GASK1B: variants seen among roughly 807,000 people sequenced by gnomAD.
GASK1B encodes golgi associated kinase 1B.
GASK1B carries 34 observed loss-of-function variants against 42.8 expected under a neutral mutation model. That is an observed-to-expected ratio of 0.79 (90% confidence interval 0.60 to 1.06). The LOEUF is 1.06. Among genes scored for constraint, GASK1B ranks in the 50% least tolerant of loss-of-function variants. GASK1B has a pLI of 0.00. For missense variants in GASK1B, 686 were observed against 661.0 expected (o/e 1.04, Z -0.42); for synonymous variants, 262 against 259.1 (o/e 1.01, Z -0.11).
intron 3 of GASK1B, among the ~76,000 whole-genome samples, chr4:158,133,886 G>C (rs1177608724): frequency 2.0e-5 from 3 of 151,912 alleles, no homozygotes. Context: ...ATATGTACTT[G>C]ATGGGCATAT....
At chr4:158,150,925 G>A (rs1049037113) in intron 3 of GASK1B, among the ~76,000 whole-genome samples, 2 of 152,176 alleles carry the variant, frequency 1.3e-5, no homozygotes, top group Admixed American at 6.5e-5. Context: ...TTCCTATTTC[G>A]TAGACTGTGA....
chr4:158,149,846 T>C (rs1189595071), intron 3 of GASK1B, among the ~76,000 whole-genome samples: 2 of 151,032 alleles, frequency 1.3e-5, no homozygotes, highest in East Asian at 3.9e-4. Context: ...TTACTAACTA[T>C]GTAACATTGG....
chr4:158,124,612 G>T lies in GASK1B; in HGVS notation c.*2795C>A, dbSNP rs11933750. On this transcript the variant is annotated 3_prime_UTR_variant, in exon 5 of 5. Transcript: ENST00000585682. The stretch of plus-strand genomic sequence containing the variant: ...AAATCTACTTCTAGGTATTTTATTC[G>T]TTATGTATAAGGTAAAGTATATTTA... 1 of 151,986 alleles carries T rather than the reference G, an allele frequency of 6.6e-6. No individual in the cohort carries two copies. Among genetic ancestry groups the T allele is most frequent in the East Asian group, 1.9e-4 (1 of 5,182 alleles). 9.4% of individuals were successfully genotyped at this position (151,986 alleles called of 1,614,324 possible).
At chr4:158,144,005 C>CT (rs1019992974) in intron 3 of GASK1B, among the ~76,000 whole-genome samples, 3 of 152,220 alleles carry the variant, frequency 2.0e-5, no homozygotes, top group Admixed American at 6.5e-5. Context: ...TAAAATTCTA[C>CT]TTTTTTGTCA....
chr4:158,167,513 T>C (rs1732274038), intron 2 of GASK1B, among the ~76,000 whole-genome samples: 1 of 152,218 alleles, frequency 6.6e-6, no homozygotes, highest in Non-Finnish European at 1.5e-5. Flanking sequence ...AGCTGGTGGC[T>C]TCCAGTATAG....
intron 4 of GASK1B, among the ~76,000 whole-genome samples, chr4:158,128,086 C>T (rs1730530953): frequency 6.6e-6 from 1 of 152,050 alleles, no homozygotes; most frequent in Admixed American, 6.5e-5. Context: ...AGTTACACAA[C>T]TGAATTTATG....
chr4:158,132,400 T>C lies in GASK1B; in HGVS notation c.1126-1388A>G, dbSNP rs568664285. 6.6e-5 allele frequency among the ~76,000 whole-genome samples: 10 copies of C among 152,346 alleles called. No homozygotes were observed. The South Asian group carries it at 1.9e-3, about 28-fold the overall frequency. On this transcript the variant is annotated intron_variant, in intron 3 of 4. Coordinates refer to ENST00000585682, the MANE Select transcript of GASK1B (RefSeq NM_001128424.2). ...TAGCCTACTTTGGAATGATCATTTA[T>C]TCATTTATCCAACAAACAGTTATTG...
chr4:158,166,758 A>C (rs1358852945), intron 2 of GASK1B, among the ~76,000 whole-genome samples: 1 of 152,180 alleles, frequency 6.6e-6, no homozygotes, highest in Non-Finnish European at 1.5e-5. Flanking sequence ...ATATCTGTGC[A>C]TCAGTGTATA....
intron 3 of GASK1B, among the ~76,000 whole-genome samples, chr4:158,148,052 A>T (rs936575677): frequency 2.0e-4 from 30 of 152,020 alleles, no homozygotes; most frequent in Non-Finnish European, 4.0e-4. Context: ...CTCTAAAAAA[A>T]TTTTTTGAAT....
At chr4:158,149,562 C>T (rs928058792) in intron 3 of GASK1B, among the ~76,000 whole-genome samples, 1 of 131,698 alleles carries the variant, frequency 7.6e-6, no homozygotes. Flanking sequence ...ATAGACTTCA[C>T]TGGCAGGTTC....
Position 158,141,597 on chromosome 4 carries a change from C to CATTTTTTTTTTTTTTTTTTTTTT in GASK1B, c.1126-10586_1126-10585insAAAAAAAAAAAAAAAAAAAAAAT, listed in dbSNP as rs1553958620. 9.7e-5 allele frequency among the ~76,000 whole-genome samples: 11 copies of CATTTTTTTTTTTTTTTTTTTTTT among 113,694 alleles called. 5 individuals are homozygous for CATTTTTTTTTTTTTTTTTTTTTT. The highest frequency in any genetic ancestry group is 1.8e-4 in the Admixed American group (2 of 10,966). 74.6% of individuals were successfully genotyped at this position (113,694 alleles called of 152,430 possible). A position where few individuals can be genotyped will look rare whatever the true frequency, so the allele number is the denominator to read the frequency against. On this transcript the variant is annotated intron_variant, in intron 3 of 4. Coordinates refer to ENST00000585682, the MANE Select transcript of GASK1B (RefSeq NM_001128424.2). Reference sequence around the variant, plus strand: ...CATAGGTCAGTGCCTTTGTATTTACCTTTTTTTTTTTTTTTTTTTTTTTTT... The same window carrying CATTTTTTTTTTTTTTTTTTTTTT: ...CATAGGTCAGTGCCTTTGTATTTACCATTTTTTTTTTTTTTTTTTTTTTTTTTTTTTTTTTTTTTTTTTTTTTT...
intron 2 of GASK1B, among the ~76,000 whole-genome samples, chr4:158,156,330 C>T (rs1351296400): frequency 6.6e-6 from 1 of 152,146 alleles, no homozygotes; most frequent in Non-Finnish European, 1.5e-5. Context: ...ATGGTTCACA[C>T]CAATCACTAT....
chr4:158,132,333 C>A (rs1440525118), intron 3 of GASK1B, among the ~76,000 whole-genome samples: 1 of 152,118 alleles, frequency 6.6e-6, no homozygotes, highest in African/African-American at 2.4e-5. Context: ...GTCTAGGAGA[C>A]CAGCTGCTTA....
In GASK1B at chr4:158,170,670, G is replaced by A. The variant is rs770386359; in HGVS notation, c.706C>T (p.Arg236Trp). The A allele has an allele frequency of 1.7e-5, 27 of 1,614,080 alleles. No individual in the cohort carries two copies. The highest frequency in any genetic ancestry group is 2.2e-5 in the East Asian group (1 of 44,874). Residue 236 changes from arginine (R) to tryptophan (W), a missense_variant, in exon 2 of 5, where the codon CGG becomes TGG. By Grantham distance (101) the Arg-to-Trp change is moderately radical (BLOSUM62 -3). Transcript: ENST00000585682. ...LLADSAVAGL[R>W]PVSSRSGARL... is the part of the protein sequence containing the mutation. ...GCTCCGCTCCTAGAGGACACAGGCC[G>A]GAGCCCTGCCACTGCGCTGTCCGCC...
At chr4:158,143,249 G>A (rs1232912946) in intron 3 of GASK1B, among the ~76,000 whole-genome samples, 1 of 152,168 alleles carries the variant, frequency 6.6e-6, no homozygotes, top group Non-Finnish European at 1.5e-5. Context: ...GCTGATAATT[G>A]TTGAAGTTGA....
chr4:158,162,074 T>A (rs1439885313), intron 2 of GASK1B, among the ~76,000 whole-genome samples: 1 of 152,074 alleles, frequency 6.6e-6, no homozygotes, highest in Non-Finnish European at 1.5e-5. Context: ...CATAGTCTAT[T>A]CTCTCTATAC....
intron 3 of GASK1B, among the ~76,000 whole-genome samples, chr4:158,140,606 G>A (rs1184166580): frequency 2.0e-5 from 3 of 152,174 alleles, no homozygotes; most frequent in African/African-American, 7.2e-5. Flanking sequence ...GAGGCTCAGT[G>A]CTTTGACCTC....
At chr4:158,146,830 C>G (rs1389217922) in intron 3 of GASK1B, among the ~76,000 whole-genome samples, 1 of 152,204 alleles carries the variant, frequency 6.6e-6, no homozygotes, top group Non-Finnish European at 1.5e-5. Context: ...CTCTAGAATA[C>G]TTCTCTTTGT....
At chr4:158,167,984 G>T (rs1421198619) in intron 2 of GASK1B, among the ~76,000 whole-genome samples, 1 of 152,060 alleles carries the variant, frequency 6.6e-6, no homozygotes, top group Non-Finnish European at 1.5e-5. Flanking sequence ...GACCAGAAGT[G>T]GTCTATTTAT....
Sources: gnomAD v4.1 joint callset for allele counts (sites outside exome capture counted in the v4.1 genomes callset) on GRCh38, gnomAD v4.1.1 for gene constraint, MANE v1.5 for transcripts, NCBI Gene and HGNC (gene_info 2026-07-23, HGNC 2026-07-21) for gene names.